The following DYNLT2 variants were observed in gnomAD, a reference collection of about 807,000 sequenced individuals.
DYNLT2 encodes dynein light chain Tctex-type 2.
DYNLT2 carries 24 observed loss-of-function variants against 24.3 expected under a neutral mutation model. The ratio of observed to expected loss-of-function variants is 0.99; its 90% CI spans 0.71 to 1.39. DYNLT2 has a LOEUF of 1.39. Among genes scored for constraint, DYNLT2 ranks in the 40% most tolerant of loss-of-function variants. The pLI, the probability that DYNLT2 is intolerant of heterozygous loss-of-function variation, is 0.00. For missense variants in DYNLT2, 246 were observed against 234.5 expected (o/e 1.05, Z -0.32); for synonymous variants, 85 against 85.4 (o/e 1.00, Z 0.03).
the DYNLT2 span, among the ~76,000 whole-genome samples, chr6:169,730,655 G>A: frequency 1.5e-3 from 225 of 152,326 alleles, no homozygotes; most frequent in African/African-American, 5.1e-3. Flanking sequence ...AGCACTTTGG[G>A]AGGCCGAGGC....
Position 169,744,116 on chromosome 6 carries a change from C to T in DYNLT2, c.279G>A (p.Lys93=), listed in dbSNP as rs1466906517. 8 of 1,612,936 alleles carry T rather than the reference C, an allele frequency of 5.0e-6. No individual in the cohort carries two copies. Among genetic ancestry groups the T allele is most frequent in the East Asian group, 2.2e-5 (1 of 44,864 alleles). ...FANSYRMEPL[K]KFQAHSVETK... is the part of the protein sequence containing the mutation. Reference sequence around the variant, plus strand: ...TTTCTACTGAATGAGCTTGGAATTTCTTCAATGGCTCCATTCTATATGAAT... The same window carrying T: ...TTTCTACTGAATGAGCTTGGAATTTTTTCAATGGCTCCATTCTATATGAAT... The change falls in exon 2 of 4, where the codon AAG becomes AAA. Residue 93 remains lysine, a synonymous_variant. Coordinates refer to ENST00000366774, the MANE Select transcript of DYNLT2 (RefSeq NM_174910.3).
chr6:169,751,202 G>A, intron 1 of DYNLT2, 137 bp downstream of exon 1: 2 of 1,360,172 alleles, frequency 1.5e-6, no homozygotes, highest in African/African-American at 1.5e-5. Flanking sequence ...TCGCATCTGG[G>A]GAAAAAAGAA....
At chr6:169,751,156 A>T in intron 1 of DYNLT2, 183 bp downstream of exon 1, 1 of 905,950 alleles carries the variant, frequency 1.1e-6, no homozygotes, top group Non-Finnish European at 1.6e-6. Context: ...ACTCAAGTCC[A>T]AAGGGGACTG....
chr6:169,742,695 C>T (rs2001592), intron 3 of DYNLT2, among the ~76,000 whole-genome samples: 76,990 of 151,930 alleles, frequency 0.51, 24,062 homozygotes, highest in East Asian at 0.98. Context: ...GCTTCCCAGT[C>T]TCAAGTGAGT....
chr6:169,740,219 G>A lies in DYNLT2; in HGVS notation c.563C>T (p.Ala188Val). The A allele has an allele frequency of 6.2e-7, 1 of 1,613,832 alleles. No homozygotes were observed. Among genetic ancestry groups the A allele is most frequent in the Non-Finnish European group, 8.5e-7 (1 of 1,179,770 alleles). Residue 188 changes from alanine to valine, a missense_variant, in exon 4 of 4, where the codon GCA becomes GTA. By Grantham distance (64) the Ala-to-Val change is moderately conservative (BLOSUM62 0). Coordinates refer to ENST00000366774, the MANE Select transcript of DYNLT2 (RefSeq NM_174910.3). ...ATAAAGGGCAAACACCAAGACCAGT[G>A]CCACGTAGGATTCTGCTTCGTGTTT... ...AAKHEAESYV[A>V]LVLVFALYYE
downstream of DYNLT2, among the ~76,000 whole-genome samples, chr6:169,737,906 G>A (rs965946696): frequency 3.9e-5 from 6 of 152,168 alleles, no homozygotes; most frequent in African/African-American, 1.2e-4. Flanking sequence ...GAACTACCAG[G>A]AGGAGAGGCT....
At chr6:169,725,189 G>A in the DYNLT2 span, 2 of 398,766 alleles carry the variant, frequency 5.0e-6, no homozygotes, top group Admixed American at 4.4e-5. Context: ...CTGGGTCCGG[G>A]GCGGCCCGCC....
chr6:169,749,769 A>G (rs1321990496), intron 1 of DYNLT2: 1 of 152,204 alleles, frequency 6.6e-6, no homozygotes, highest in Non-Finnish European at 1.5e-5. Flanking sequence ...TTAATTCTCT[A>G]AAAGTTAACT....
intron 1 of DYNLT2, among the ~76,000 whole-genome samples, chr6:169,745,216 CT>C (rs1789769772): frequency 6.6e-6 from 1 of 152,072 alleles, no homozygotes; most frequent in African/African-American, 2.4e-5. Flanking sequence ...CCTCAGCCTC[CT>C]GAGTAGCTGG....
At chr6:169,739,261 G>A (rs1183567653), downstream of DYNLT2, among the ~76,000 whole-genome samples, 1 of 147,954 alleles carries the variant, frequency 6.8e-6, no homozygotes, top group African/African-American at 2.5e-5. Flanking sequence ...TGCTCAGGCT[G>A]GTCTCAAATT....
chr6:169,742,619 CT>C (rs201954786), intron 3 of DYNLT2, among the ~76,000 whole-genome samples: 22 of 151,214 alleles, frequency 1.5e-4, no homozygotes, highest in Non-Finnish European at 3.0e-4. Context: ...ACTTTTCTTT[CT>C]TTTTTTTTGA....
the DYNLT2 span, among the ~76,000 whole-genome samples, chr6:169,728,443 A>T: frequency 4.0e-3 from 610 of 152,346 alleles, 3 homozygotes; most frequent in Non-Finnish European, 7.1e-3. Flanking sequence ...GAGGGGTAAA[A>T]GGCAACTGAA....
chr6:169,732,703 G>C, the DYNLT2 span, among the ~76,000 whole-genome samples: 1 of 152,164 alleles, frequency 6.6e-6, no homozygotes, highest in African/African-American at 2.4e-5. Context: ...ATTTAGGTTA[G>C]TTCCATGTCT....
downstream of DYNLT2, among the ~76,000 whole-genome samples, chr6:169,736,491 T>C (rs1048309634): frequency 2.0e-5 from 3 of 152,218 alleles, no homozygotes; most frequent in African/African-American, 7.2e-5. Context: ...TTTCAGGAGC[T>C]GTTGCAGAGC....
chr6:169,739,914 AG>A (rs1789638640), downstream of DYNLT2, among the ~76,000 whole-genome samples: 1 of 152,208 alleles, frequency 6.6e-6, no homozygotes, highest in South Asian at 2.1e-4. Context: ...CTCTACTATA[AG>A]AATTTGTATA....
At chr6:169,742,590 T>C (rs369470975) in intron 3 of DYNLT2, among the ~76,000 whole-genome samples, 3 of 152,162 alleles carry the variant, frequency 2.0e-5, no homozygotes, top group South Asian at 4.1e-4. Context: ...TAGTACCAAA[T>C]TGCTACTTCT....
chr6:169,725,776 A>G, the DYNLT2 span: 2 of 153,578 alleles, frequency 1.3e-5, no homozygotes, highest in Admixed American at 6.5e-5. Flanking sequence ...AGTTCTCACT[A>G]ATAATTGCCT....
chr6:169,751,550 C>G lies in DYNLT2; in HGVS notation c.-92G>C, dbSNP rs1790078332. The G allele has an allele frequency of 6.2e-7, 1 of 1,610,740 alleles. No individual in the cohort carries two copies. The highest frequency in any genetic ancestry group is 8.5e-7 in the Non-Finnish European group (1 of 1,178,892). On this transcript the variant is annotated 5_prime_UTR_variant, in exon 1 of 4. Transcript: ENST00000366774. ...TCCCGCGAGGGCGGAAGTCTCCCAC[C>G]TGCGCCTCGTACGGTAGGAAGTGCC...
chr6:169,743,593 T>G (rs1789727486), intron 2 of DYNLT2, among the ~76,000 whole-genome samples: 1 of 152,184 alleles, frequency 6.6e-6, no homozygotes. Flanking sequence ...CTTTTTAAAT[T>G]TATACATTTA....
Sources: gnomAD v4.1 joint callset for allele counts (sites outside exome capture counted in the v4.1 genomes callset) on GRCh38, gnomAD v4.1.1 for gene constraint, MANE v1.5 for transcripts, NCBI Gene and HGNC (gene_info 2026-07-23, HGNC 2026-07-21) for gene names.